RBFOX1: variants seen among roughly 807,000 people sequenced by gnomAD.
RBFOX1 encodes RNA binding fox-1 homolog 1.
RBFOX1 carries 8 observed loss-of-function variants against 57.7 expected under a neutral mutation model. That is an observed-to-expected ratio of 0.14 (90% CI 0.08 to 0.25). RBFOX1 has a LOEUF of 0.25. Among genes scored for constraint, RBFOX1 ranks in the 10% least tolerant of loss-of-function variants. The probability of loss-of-function intolerance (pLI) is 1.00; values close to 1 mark genes in which losing one functional copy is unlikely to be tolerated. For synonymous variants in RBFOX1, 326 were observed against 222.4 expected (o/e 1.47, Z -4.15); for missense variants, 611 against 548.5 (o/e 1.11, Z -1.14).
At chr16:6,634,040 C>G (rs934637880) in intron 2 of RBFOX1, among the ~76,000 whole-genome samples, 10 of 151,838 alleles carry the variant, frequency 6.6e-5, no homozygotes, top group African/African-American at 2.4e-4. Context: ...TTTGTGTAAA[C>G]CGATGCATTT....
intron 4 of RBFOX1, among the ~76,000 whole-genome samples, chr16:7,284,704 T>C (rs550355418): frequency 2.3e-4 from 35 of 152,314 alleles, no homozygotes; most frequent in African/African-American, 7.9e-4. Flanking sequence ...TAATCCTGGA[T>C]CTGATACTTC....
chr16:6,486,685 T>G (rs940377346), intron 2 of RBFOX1, among the ~76,000 whole-genome samples: 1 of 152,062 alleles, frequency 6.6e-6, no homozygotes, highest in African/African-American at 2.4e-5. Flanking sequence ...TTTTAGACTT[T>G]ACTTTGTTAT....
intron 2 of RBFOX1, among the ~76,000 whole-genome samples, chr16:6,508,389 G>T (rs1350018318): frequency 1.3e-5 from 2 of 152,074 alleles, no homozygotes; most frequent in Non-Finnish European, 2.9e-5. Context: ...AATGTAAGTA[G>T]ACTTAACACT....
intron 2 of RBFOX1, among the ~76,000 whole-genome samples, chr16:5,491,430 A>G (rs903212897): frequency 6.6e-6 from 1 of 152,256 alleles, no homozygotes; most frequent in African/African-American, 2.4e-5. Context: ...TTTGATGACA[A>G]GAATGCATAC....
chr16:7,048,436 T>C (rs2048805726), intron 3 of RBFOX1, among the ~76,000 whole-genome samples: 1 of 151,994 alleles, frequency 6.6e-6, no homozygotes, highest in South Asian at 2.1e-4. Context: ...ATTTTTTGTA[T>C]TTTTAGTAGA....
At chr16:7,576,697 G>T (rs2152815502) in intron 5 of RBFOX1, among the ~76,000 whole-genome samples, 1 of 152,304 alleles carries the variant, frequency 6.6e-6, no homozygotes, top group East Asian at 1.9e-4. Context: ...GCGGTATAAT[G>T]CTATTAATCA....
intron 1 of RBFOX1, among the ~76,000 whole-genome samples, chr16:6,161,452 A>T (rs946632037): frequency 2.6e-5 from 4 of 151,862 alleles, no homozygotes; most frequent in Non-Finnish European, 5.9e-5. Flanking sequence ...TCTCCATCCC[A>T]TTGGCTGGGG....
chr16:6,313,507 GA>G (rs1240129511), intron 1 of RBFOX1, among the ~76,000 whole-genome samples: 3 of 152,052 alleles, frequency 2.0e-5, no homozygotes. Context: ...GTCAGAGTTA[GA>G]AAAAAACTAC....
chr16:6,006,898 A>G (rs1056140760), intron 4 of RBFOX1, among the ~76,000 whole-genome samples: 4 of 152,202 alleles, frequency 2.6e-5, no homozygotes, highest in Admixed American at 6.5e-5. Flanking sequence ...CTTTTGTCAC[A>G]TGGGTCCGCC....
At chr16:5,437,108 G>A (rs1382143341) in intron 1 of RBFOX1, among the ~76,000 whole-genome samples, 1 of 152,150 alleles carries the variant, frequency 6.6e-6, no homozygotes, top group Non-Finnish European at 1.5e-5. Flanking sequence ...TGATCACATT[G>A]TGAACTTTTA....
In RBFOX1 at chr16:7,357,651, C is replaced by G. The variant is rs372859388; in HGVS notation, c.28-160496C>G. On this transcript the variant is annotated intron_variant, in intron 4 of 15. Transcript: ENST00000550418. The stretch of plus-strand genomic sequence containing the variant: ...GCCTTGTTTCTGAGCCATTTTCAGT[C>G]TCTTGCGCAGGACTTTTATTCAGTC... 2.6e-5 allele frequency among the ~76,000 whole-genome samples: 4 copies of G among 152,178 alleles called. No individual in the cohort carries two copies. In the East Asian group the frequency reaches 5.8e-4, roughly 22 times the overall value.
chr16:6,898,807 C>A (rs1010376415), intron 3 of RBFOX1, among the ~76,000 whole-genome samples: 1 of 150,786 alleles, frequency 6.6e-6, no homozygotes, highest in African/African-American at 2.4e-5. Flanking sequence ...GTCTGTATAA[C>A]GTGCATGTGT....
At chr16:6,033,322 T>C (rs963513947) in intron 1 of RBFOX1, among the ~76,000 whole-genome samples, 1 of 152,234 alleles carries the variant, frequency 6.6e-6, no homozygotes, top group Admixed American at 6.5e-5. Flanking sequence ...TTGCTTTATT[T>C]ATTTAATAGT....
In RBFOX1 at chr16:6,435,620, A is replaced by G. The variant is rs8049800; in HGVS notation, c.-64+118563A>G. On this transcript the variant is annotated intron_variant, in intron 2 of 15. Coordinates refer to ENST00000550418, the MANE Select transcript of RBFOX1 (RefSeq NM_018723.4). ...TGCCTGGCCAGTATTCGTTTTATAT[A>G]GCATCTACCCCCAGCAAGATTTATA... is the stretch of plus-strand genomic sequence containing the variant. 6.7e-3 allele frequency among the ~76,000 whole-genome samples: 1,015 copies of G among 152,242 alleles called. 10 individuals carry two copies. The highest frequency in any genetic ancestry group is 0.023 in the African/African-American group (974 of 41,538).
intron 4 of RBFOX1, among the ~76,000 whole-genome samples, chr16:7,313,695 C>A (rs1395421444): frequency 3.2e-5 from 3 of 94,224 alleles, no homozygotes; most frequent in Non-Finnish European, 6.3e-5. Context: ...CATGGATTAT[C>A]ACATTTAATC....
rs1568351876 is a variant in RBFOX1, at chr16:7,009,261, CCTTCCTCTT to C, written c.-15-42791_-15-42783del. On this transcript the variant is annotated intron_variant, in intron 3 of 15. Transcript: ENST00000550418. ...CTTGTCTACTTCCTCTCCTTCCTCT[CCTTCCTCTT>C]CTTCTCTCTTTTCTCTCTCACTCTC... Among the ~76,000 whole-genome samples, 4 of 137,404 alleles carry C rather than the reference CCTTCCTCTT, an allele frequency of 2.9e-5. No homozygotes were observed. In the South Asian group the frequency reaches 9.4e-4, roughly 32 times the overall value. The allele number at this position is 137,404 out of a possible 152,430, so 90.1% of individuals were successfully genotyped here. A position where few individuals can be genotyped will look rare whatever the true frequency, so the allele number is the denominator to read the frequency against.
chr16:7,207,526 G>A (rs918264110), intron 4 of RBFOX1, among the ~76,000 whole-genome samples: 1 of 152,158 alleles, frequency 6.6e-6, no homozygotes, highest in African/African-American at 2.4e-5. Context: ...ATGATCCAGT[G>A]AATATTGACA....
At chr16:6,624,980 C>T (rs1480949204) in intron 2 of RBFOX1, among the ~76,000 whole-genome samples, 1 of 151,858 alleles carries the variant, frequency 6.6e-6, no homozygotes, top group Non-Finnish European at 1.5e-5. Context: ...GCCTGGCCAA[C>T]ATGGTGAAAC....
intron 1 of RBFOX1, among the ~76,000 whole-genome samples, chr16:6,072,045 G>A (rs887238746): frequency 6.6e-6 from 1 of 152,186 alleles, no homozygotes; most frequent in Non-Finnish European, 1.5e-5. Context: ...AGGAAAAGAG[G>A]TTTATAGACT....
Sources: allele counts gnomAD v4.1 joint callset (sites outside exome capture counted in the v4.1 genomes callset), GRCh38; gene constraint gnomAD v4.1.1; transcripts MANE v1.5; gene names NCBI Gene and HGNC (gene_info 2026-07-23, HGNC 2026-07-21).